Variants in ALG1L2 observed in about 807,000 individuals in gnomAD.
ALG1L2 encodes the protein ALG1 chitobiosyldiphosphodolichol beta-mannosyltransferase like 2.
ALG1L2 carries 32 observed loss-of-function variants against 29.0 expected under a neutral mutation model. That is an observed-to-expected ratio of 1.10 (90% confidence interval 0.83 to 1.48). The LOEUF is 1.48. ALG1L2 is among the 40% of genes most tolerant of loss of function. The pLI is 0.00. For missense variants in ALG1L2, 318 were observed against 274.1 expected, an observed-to-expected ratio of 1.16 and a Z score of -1.13; for synonymous variants, 110 against 109.5, an observed-to-expected ratio of 1.00 and a Z score of -0.03.
intron 7 of ALG1L2, 59 bp downstream of exon 7, chr3:130,097,309 A>G: frequency 6.3e-7 from 1 of 1,588,388 alleles, no homozygotes; most frequent in Non-Finnish European, 8.5e-7. Context: ...GCACCGAGCC[A>G]TGCTCCCTGA....
chr3:130,082,069 AT>A, intron 1 of ALG1L2, 33 bp downstream of exon 1: 1 of 1,494,392 alleles, frequency 6.7e-7, no homozygotes, highest in South Asian at 1.2e-5. Context: ...TTGGATTGCA[AT>A]GCAGAGAAAC....
intron 1 of ALG1L2, chr3:130,089,626 T>C (rs1468721683): frequency 1.3e-5 from 2 of 152,310 alleles, no homozygotes; most frequent in Non-Finnish European, 2.9e-5. Context: ...CTTTTTCTAA[T>C]GTGGTGACTA....
chr3:130,083,675 A>ATT (rs1934833246), intron 1 of ALG1L2, among the ~76,000 whole-genome samples: 1 of 8,936 alleles, frequency 1.1e-4, no homozygotes, highest in Non-Finnish European at 2.8e-4. Context: ...TTTACTTGGA[A>ATT]GGACATTAAA....
At chr3:130,088,717 C>A (rs547100571) in intron 1 of ALG1L2, among the ~76,000 whole-genome samples, 1 of 152,292 alleles carries the variant, frequency 6.6e-6, no homozygotes, top group African/African-American at 2.4e-5. Context: ...TGTTCCCTGC[C>A]TGATCTAATG....
chr3:130,092,344 G>A (rs1451857247), intron 3 of ALG1L2, 122 bp downstream of exon 3: 10 of 1,597,874 alleles, frequency 6.3e-6, no homozygotes, highest in African/African-American at 1.3e-5. Flanking sequence ...AGAAGGGGAG[G>A]GCGTGTGAGC....
chr3:130,085,942 T>C (rs1386664655), intron 1 of ALG1L2, among the ~76,000 whole-genome samples: 1 of 151,438 alleles, frequency 6.6e-6, no homozygotes, highest in African/African-American at 2.4e-5. Flanking sequence ...GAGTGACACA[T>C]CCTGATAATG....
chr3:130,097,357 T>A, intron 7 of ALG1L2, 107 bp downstream of exon 7: 1 of 1,494,504 alleles, frequency 6.7e-7, no homozygotes, highest in South Asian at 1.3e-5. Context: ...CCATGCGGGG[T>A]CTGGCGGAAA....
chr3:130,085,391 T>C (rs77813409), intron 1 of ALG1L2, among the ~76,000 whole-genome samples: 89 of 72,056 alleles, frequency 1.2e-3, no homozygotes, highest in Middle Eastern at 9.6e-3. Flanking sequence ...TCACTGTGCC[T>C]GGCGTATTTT....
At chr3:130,085,807 A>T (rs1223193724) in intron 1 of ALG1L2, among the ~76,000 whole-genome samples, 1 of 148,944 alleles carries the variant, frequency 6.7e-6, no homozygotes, top group East Asian at 1.9e-4. Flanking sequence ...AGTGAGGGGC[A>T]ACCTGAGGGT....
rs749296563 is a variant in ALG1L2, at chr3:130,091,368, C to T, written c.128C>T (p.Ala43Val). 1.1e-5 allele frequency: 18 copies of T among 1,596,544 alleles called. No homozygotes were observed. Among genetic ancestry groups the T allele is most frequent in the Admixed American group, 3.3e-5 (2 of 59,956 alleles). ...GGCAGCACGCACTCTCCGTTCAGGG[C>T]CCGGTAGGCCTCCCACCCTCAGCTG... ...KLGSTHSPFRARSEPEDPDTE... is the reference protein window; with the variant it reads ...KLGSTHSPFRVRSEPEDPDTE... The change falls in exon 2 of 8, where the codon GCC (alanine) becomes GTC (valine). Residue 43 changes from alanine (A) to valine (V), a missense_variant. By Grantham distance (64) the Ala-to-Val change is moderately conservative. Coordinates refer to ENST00000425059, the MANE Select transcript of ALG1L2 (RefSeq NM_001136152.1).
chr3:130,097,103 GC>G, intron 6 of ALG1L2, 71 bp from the exon 7 acceptor site: 2 of 1,586,988 alleles, frequency 1.3e-6, no homozygotes, highest in Non-Finnish European at 1.7e-6. Context: ...GTGGGTGGGA[GC>G]CCAGCTGGGC....
At chr3:130,094,577 C>CTTTTTGCTGGGGCAACTGGGGGGGGG in intron 5 of ALG1L2, 64 bp downstream of exon 5, 3 of 286,990 alleles carry the variant, frequency 1.0e-5, no homozygotes, top group East Asian at 8.0e-5. Context: ...CAGGGGTGGG[C>CTTTTTGCTGGGGCAACTGGGGGGGGG]GGGGTGTACC....
At chr3:130,097,594 GGGTGGAATTCTGCAAA>G (rs1559789690) in intron 7 of ALG1L2, among the ~76,000 whole-genome samples, 1 of 152,210 alleles carries the variant, frequency 6.6e-6, no homozygotes, top group Admixed American at 6.5e-5. Flanking sequence ...CTTGAAAGAT[GGGTGGAATTCTGCAAA>G]GGTTACTTGT....
At position 130,094,508 on chromosome 3, in the gene ALG1L2, T is replaced by C. The variant is rs1256861626; in HGVS notation, c.419T>C (p.Leu140Pro). The C allele has an allele frequency of 1.3e-6, 2 of 1,595,000 alleles. No individual in the cohort carries two copies. The highest frequency in any genetic ancestry group is 3.3e-5 in the Admixed American group (2 of 59,974). ...CTGGAGGGCCGAGGACTACCCCCGC[T>C]TCTAGGTGAGAGGCCAGCAGGAGGC... ...PWLEGRGLPP[L>P]LGSVDLDVCL... Residue 140 changes from leucine (L) to proline (P), a missense_variant, in exon 5 of 8, where the codon CTT becomes CCT. By Grantham distance (98) the Leu-to-Pro change is moderately conservative. Transcript: ENST00000425059.
rs2108111908 is a variant in ALG1L2 at position 130,082,037 on chromosome 3, G to C, written c.20+1G>C. ...GGGACATGGGAGCTACTGCAGGCTG[G>C]TAAGCAGGGGGGTGGTGCTGGTTGG... On this transcript the variant is annotated splice_donor_variant, in intron 1 of 7. Transcript: ENST00000425059. LOFTEE classifies it high-confidence loss of function. 1 of 1,509,110 alleles carries C rather than the reference G, an allele frequency of 6.6e-7. No homozygotes were observed. 93.5% of individuals were successfully genotyped at this position (1,509,110 alleles called of 1,614,324 possible).
chr3:130,088,769 C>A, intron 1 of ALG1L2, among the ~76,000 whole-genome samples: 1 of 152,302 alleles, frequency 6.6e-6, no homozygotes, highest in Non-Finnish European at 1.5e-5. Flanking sequence ...CTCTTGCCTG[C>A]TGCCATGTAA....
At chr3:130,093,370 A>AC (rs1935061057) in intron 4 of ALG1L2, among the ~76,000 whole-genome samples, 1 of 151,676 alleles carries the variant, frequency 6.6e-6, no homozygotes, top group African/African-American at 2.4e-5. Context: ...ATCTGTAGAT[A>AC]CCAAGCTTTC....
intron 4 of ALG1L2, 34 bp from the exon 5 acceptor site, chr3:130,094,368 CG>C: frequency 3.2e-6 from 5 of 1,582,782 alleles, no homozygotes; most frequent in Non-Finnish European, 4.3e-6. Flanking sequence ...GGGACAGAGA[CG>C]GGTTCATGGC....
intron 4 of ALG1L2, 109 bp downstream of exon 4, chr3:130,093,269 G>A (rs778521641): frequency 2.6e-5 from 34 of 1,312,086 alleles, no homozygotes; most frequent in Middle Eastern, 2.6e-4. Flanking sequence ...AATCCTCACT[G>A]CAGCTCTCTG....
Sources: gnomAD v4.1 joint callset for allele counts (sites outside exome capture counted in the v4.1 genomes callset) on GRCh38, gnomAD v4.1.1 for gene constraint, MANE v1.5 for transcripts, NCBI Gene and HGNC (gene_info 2026-07-23, HGNC 2026-07-21) for gene names.